Variants in WDFY4 observed in about 807,000 individuals in gnomAD.
The protein encoded by WDFY4 is WD repeat- and FYVE domain-containing protein 4.
Under a neutral mutation model 351.9 loss-of-function variants are expected in WDFY4, and 169 were observed. That is an observed-to-expected ratio of 0.48 (90% confidence interval 0.42 to 0.55). The LOEUF (loss-of-function observed/expected upper bound fraction) is 0.55. Ranked by LOEUF, WDFY4 falls within the 20% of genes least tolerant of loss-of-function variation. The pLI is 0.00. For missense variants in WDFY4, 3,803 were observed against 3,935.6 expected (o/e 0.97, Z 0.90); for synonymous variants, 1,622 against 1,574.6 (o/e 1.03, Z -0.71).
intron 47 of WDFY4, among the ~76,000 whole-genome samples, chr10:48,911,595 A>C (rs981865175): frequency 6.6e-6 from 1 of 152,236 alleles, no homozygotes; most frequent in Admixed American, 6.5e-5. Context: ...AAGTGTGTTT[A>C]TTAATACCAG....
At chr10:48,750,346 G>T (rs774305861) in intron 12 of WDFY4, among the ~76,000 whole-genome samples, 8 of 152,352 alleles carry the variant, frequency 5.3e-5, no homozygotes, top group Middle Eastern at 3.4e-3. Flanking sequence ...GGCATTGGGA[G>T]TGTGGGGCAC....
At chr10:48,756,004 G>C (rs1228670756) in intron 12 of WDFY4, among the ~76,000 whole-genome samples, 1 of 151,960 alleles carries the variant, frequency 6.6e-6, no homozygotes, top group African/African-American at 2.4e-5. Flanking sequence ...AATGAATTGG[G>C]AAGTGTTCCT....
rs540122094 is a variant in WDFY4 at position 48,738,845 on chromosome 10, C to T, written c.1878+2775C>T. The stretch of plus-strand genomic sequence containing the variant: ...CCTTCTTATAAAGGTTTCCCATCTC[C>T]GAAGGGCATTCACAGCATGCCATCA... On this transcript the variant is annotated intron_variant, in intron 11 of 61. Transcript: ENST00000325239. Among the ~76,000 whole-genome samples the T allele has an allele frequency of 5.3e-5, 8 of 152,242 alleles. No homozygotes were observed. The East Asian group carries it at 9.7e-4, about 18-fold the overall frequency.
At chr10:48,930,505 AG>A (rs1839930321) in intron 47 of WDFY4, among the ~76,000 whole-genome samples, 1 of 152,172 alleles carries the variant, frequency 6.6e-6, no homozygotes, top group African/African-American at 2.4e-5. Context: ...GGTTAGGCCA[AG>A]GGGAGAAGGA....
intron 33 of WDFY4, 52 bp downstream of exon 33, chr10:48,820,489 A>G (rs1589687398): frequency 6.6e-7 from 1 of 1,521,398 alleles, no homozygotes; most frequent in Non-Finnish European, 8.9e-7. Context: ...CTGCCGGCAT[A>G]CCGGCACTGC....
At chr10:48,774,356 T>G in intron 13 of WDFY4, 102 bp from the exon 14 acceptor site, 1 of 1,231,234 alleles carries the variant, frequency 8.1e-7, no homozygotes, top group Non-Finnish European at 1.2e-6. Context: ...GGGCGCAGTC[T>G]CCTTGTTCCA....
At chr10:48,884,589 G>A (rs935692065) in intron 43 of WDFY4, among the ~76,000 whole-genome samples, 3 of 151,772 alleles carry the variant, frequency 2.0e-5, no homozygotes, top group East Asian at 1.9e-4. Context: ...GTACACATAT[G>A]CATACACATA....
At chr10:48,851,372 T>A (rs532801092) in intron 39 of WDFY4, among the ~76,000 whole-genome samples, 3 of 152,362 alleles carry the variant, frequency 2.0e-5, no homozygotes, top group South Asian at 4.1e-4. Context: ...GTCCACTATT[T>A]GTGCAAATAT....
At chr10:48,855,695 A>G (rs961048773) in intron 39 of WDFY4, among the ~76,000 whole-genome samples, 1 of 152,140 alleles carries the variant, frequency 6.6e-6, no homozygotes. Flanking sequence ...CCCATTATGT[A>G]TAAACATAAC....
intron 13 of WDFY4, among the ~76,000 whole-genome samples, chr10:48,772,403 G>A (rs7899768): frequency 0.024 from 3,645 of 152,054 alleles, 137 homozygotes; most frequent in African/African-American, 0.083. Flanking sequence ...GTGTATGGAC[G>A]CGTGTGCGTG....
intron 23 of WDFY4, among the ~76,000 whole-genome samples, chr10:48,793,424 T>G (rs1487806585): frequency 6.6e-6 from 1 of 152,242 alleles, no homozygotes; most frequent in African/African-American, 2.4e-5. Context: ...AAGGAGAAGC[T>G]GCGTGGCAAG....
At chr10:48,946,380 G>A (rs978092677) in intron 50 of WDFY4, among the ~76,000 whole-genome samples, 1 of 152,266 alleles carries the variant, frequency 6.6e-6, no homozygotes, top group Non-Finnish European at 1.5e-5. Flanking sequence ...GTGTGGCACA[G>A]CCCAGGGGAT....
At position 48,796,410 on chromosome 10, in the gene WDFY4, C is replaced by A. The variant is rs1345041162; in HGVS notation, c.4370C>A (p.Thr1457Asn). ...VELGFRSSAI[T>N]NTGVFQHILC... ...CTGGGCTTCAGGTCATCTGCTATCA[C>A]CAACACTGGTGTCTTCCAGCACATC... The change falls in exon 24 of 62, where the codon ACC (threonine) becomes AAC (asparagine). Residue 1457 changes from threonine (T) to asparagine (N), a missense_variant. Physicochemically the swap from Thr to Asn is moderately conservative, Grantham distance 65. Transcript: ENST00000325239. The A allele has an allele frequency of 1.9e-6, 3 of 1,552,070 alleles. No individual in the cohort carries two copies. The highest frequency in any genetic ancestry group is 2.6e-6 in the Non-Finnish European group (3 of 1,147,092).
intron 30 of WDFY4, among the ~76,000 whole-genome samples, chr10:48,812,192 TTTTTTTG>T: frequency 6.7e-6 from 1 of 148,670 alleles, no homozygotes; most frequent in African/African-American, 2.6e-5. Context: ...TTTTTTTTGT[TTTTTTTG>T]TTTTTTTTTG....
intron 23 of WDFY4, among the ~76,000 whole-genome samples, chr10:48,792,117 C>A (rs2066703274): frequency 6.6e-6 from 1 of 152,218 alleles, no homozygotes; most frequent in Non-Finnish European, 1.5e-5. Context: ...GCCTATGTTC[C>A]CACCTCCCCA....
chr10:48,844,411 A>G (rs2068710275), intron 39 of WDFY4, among the ~76,000 whole-genome samples: 1 of 151,990 alleles, frequency 6.6e-6, no homozygotes, highest in Non-Finnish European at 1.5e-5. Context: ...GGCCAATATG[A>G]TGAAACCCCG....
chr10:48,934,360 C>T (rs1840221343), intron 47 of WDFY4, among the ~76,000 whole-genome samples: 1 of 152,208 alleles, frequency 6.6e-6, no homozygotes. Flanking sequence ...ACAGACATTA[C>T]AATTGAGTCA....
chr10:48,796,205 A>G, intron 23 of WDFY4, 93 bp from the exon 24 acceptor site: 20 of 1,391,184 alleles, frequency 1.4e-5, no homozygotes, highest in Non-Finnish European at 1.9e-5. Flanking sequence ...AGCAGAGAGC[A>G]GAAGGTTTGC....
rs531314836 is a variant in WDFY4 at position 48,795,590 on chromosome 10, C to A, written c.4258-708C>A. Among the ~76,000 whole-genome samples, 16 of 148,576 alleles carry A rather than the reference C, an allele frequency of 1.1e-4. No homozygotes were observed. The South Asian group carries it at 3.0e-3, about 28-fold the overall frequency. On this transcript the variant is annotated intron_variant, in intron 23 of 61. Coordinates refer to ENST00000325239, the MANE Select transcript of WDFY4 (RefSeq NM_001394531.1). Reference sequence around the variant, plus strand: ...GAGTCTTTTCTGATCACAAACAAGGCTTCCGAAGGGCACGTTGCAAGAACA... The same window carrying A: ...GAGTCTTTTCTGATCACAAACAAGGATTCCGAAGGGCACGTTGCAAGAACA...
Sources: allele counts gnomAD v4.1 joint callset (sites outside exome capture counted in the v4.1 genomes callset), GRCh38; gene constraint gnomAD v4.1.1; transcripts MANE v1.5; gene names NCBI Gene and HGNC (gene_info 2026-07-23, HGNC 2026-07-21).